Variants in SARDH observed in about 807,000 individuals in gnomAD.
SARDH encodes sarcosine dehydrogenase, mitochondrial.
SARDH carries 95 observed loss-of-function variants against 109.1 expected under a neutral mutation model. The ratio of observed to expected loss-of-function variants is 0.87; its 90% confidence interval spans 0.74 to 1.03. The LOEUF is 1.03. Among genes scored for constraint, SARDH ranks in the 50% least tolerant of loss-of-function variants. The probability of loss-of-function intolerance (pLI) is 0.00; values close to 1 mark genes in which losing one functional copy is unlikely to be tolerated. For missense variants in SARDH, 1,267 were observed against 1,287.8 expected (o/e 0.98, Z 0.25); for synonymous variants, 572 against 534.8 (o/e 1.07, Z -0.96).
intron 8 of SARDH, among the ~76,000 whole-genome samples, chr9:133,716,128 C>A (rs1832113565): frequency 6.6e-6 from 1 of 152,216 alleles, no homozygotes; most frequent in African/African-American, 2.4e-5. Flanking sequence ...CAGGGCCGGG[C>A]TAGGCTGCCC....
In SARDH at chr9:133,718,414, C is replaced by T; in HGVS notation, c.1020+524G>A. 3 of 447,278 alleles carry T rather than the reference C, an allele frequency of 6.7e-6. No homozygotes were observed. Among genetic ancestry groups the T allele is most frequent in the Admixed American group, 3.8e-5 (1 of 26,344 alleles). The allele number at this position is 447,278 out of a possible 1,614,324, so 27.7% of individuals were successfully genotyped here. A position where few individuals can be genotyped will look rare whatever the true frequency, so the allele number is the denominator to read the frequency against. On this transcript the variant is annotated intron_variant, in intron 7 of 20. Coordinates refer to ENST00000439388, the MANE Select transcript of SARDH (RefSeq NM_001134707.2). The surrounding 1 kb of genome is among the most constrained non-coding windows in gnomAD (Gnocchi z 4.2). ...ATGTCTCTCCACCAAAATATAGGCA[C>T]CCAGAGTCAGGGACTTTTATCTTAG...
At chr9:133,719,743 G>A (rs957455544) in intron 6 of SARDH, among the ~76,000 whole-genome samples, 10 of 150,918 alleles carry the variant, frequency 6.6e-5, no homozygotes, top group Admixed American at 2.7e-4. Flanking sequence ...AAGGCTTGCC[G>A]CCCACCCTTC....
chr9:133,715,230 G>A (rs1041875374), intron 8 of SARDH, among the ~76,000 whole-genome samples: 3 of 152,176 alleles, frequency 2.0e-5, no homozygotes, highest in African/African-American at 4.8e-5. Flanking sequence ...CCATCCAGCC[G>A]ACAGACCAGA....
chr9:133,668,208 A>C (rs1362675992), intron 19 of SARDH, among the ~76,000 whole-genome samples: 1 of 151,474 alleles, frequency 6.6e-6, no homozygotes, highest in East Asian at 2.0e-4. Flanking sequence ...GCTGTCACAC[A>C]AGAGACAGAG....
At chr9:133,737,582 G>A (rs1294257762) in intron 1 of SARDH, among the ~76,000 whole-genome samples, 1 of 152,134 alleles carries the variant, frequency 6.6e-6, no homozygotes, top group African/African-American at 2.4e-5. Context: ...GTGCCGCATG[G>A]CACAGCACAC....
intron 17 of SARDH, among the ~76,000 whole-genome samples, chr9:133,682,824 T>G (rs1385266044): frequency 1.4e-5 from 2 of 138,996 alleles, no homozygotes; most frequent in Non-Finnish European, 3.1e-5. Flanking sequence ...ACTCAGCCCC[T>G]GTGCTGAAAC....
chr9:133,717,766 G>T (rs1484242531), intron 7 of SARDH, among the ~76,000 whole-genome samples: 1 of 152,130 alleles, frequency 6.6e-6, no homozygotes, highest in Non-Finnish European at 1.5e-5. Flanking sequence ...GCCCTGTATG[G>T]CATGTGCCAG....
chr9:133,683,612 A>G (rs574694030), intron 17 of SARDH, among the ~76,000 whole-genome samples: 9 of 152,226 alleles, frequency 5.9e-5, no homozygotes, highest in African/African-American at 2.2e-4. Flanking sequence ...AGCAAGCTAG[A>G]CACAGCCGGC....
chr9:133,660,173 C>A (rs1832394993), downstream of SARDH, among the ~76,000 whole-genome samples: 1 of 151,938 alleles, frequency 6.6e-6, no homozygotes, highest in Non-Finnish European at 1.5e-5. Flanking sequence ...ACCTCCTACA[C>A]CCAGATAAGC....
Position 133,683,970 on chromosome 9 carries a change from G to A in SARDH, c.2163+1223C>T, listed in dbSNP as rs1233860081. ...CTTTCTGGGTTTCTTTAGCCGGGCG[G>A]CCCTGAGCAGCCTGGCCCATCCAGC... On this transcript the variant is annotated intron_variant, in intron 17 of 20. Transcript: ENST00000439388. Among the ~76,000 whole-genome samples, 4 of 152,216 alleles carry A rather than the reference G, an allele frequency of 2.6e-5. No homozygotes were observed. The East Asian group carries it at 7.7e-4, about 29-fold the overall frequency.
Position 133,667,089 on chromosome 9 carries a change from A to G in SARDH, c.2496-219T>C, listed in dbSNP as rs1324319315. 6 of 610,588 alleles carry G rather than the reference A, an allele frequency of 9.8e-6. No homozygotes were observed. In the Admixed American group the frequency reaches 1.2e-4, roughly 12 times the overall value. The allele number at this position is 610,588 out of a possible 1,614,324, so 37.8% of individuals were successfully genotyped here. On this transcript the variant is annotated intron_variant, in intron 19 of 20. Transcript: ENST00000439388. Reference sequence around the variant, plus strand: ...CTTCGAGTGAGTAAAAGGGATGAATAGAAAACATCAAAACCAGGAGTGGAC... The same window carrying G: ...CTTCGAGTGAGTAAAAGGGATGAATGGAAAACATCAAAACCAGGAGTGGAC...
intron 11 of SARDH, 114 bp from the exon 12 acceptor site, chr9:133,705,145 G>C: frequency 1.9e-6 from 2 of 1,043,252 alleles, no homozygotes; most frequent in South Asian, 2.9e-5. Context: ...AGGAGGCCCT[G>C]ACTCTTGGAA....
chr9:133,702,826 C>G, intron 13 of SARDH, 90 bp downstream of exon 13: 1 of 1,140,970 alleles, frequency 8.8e-7, no homozygotes, highest in South Asian at 1.3e-5. Flanking sequence ...GGGAGGGGAG[C>G]CCCTGCAGGG....
At chr9:133,669,848 G>A (rs9409842) in intron 19 of SARDH, among the ~76,000 whole-genome samples, 35,841 of 152,210 alleles carry the variant, frequency 0.24, 4,859 homozygotes, top group African/African-American at 0.37. Context: ...GCAGTGACTG[G>A]GAGGTCAGGC....
chr9:133,679,534 G>A lies in SARDH; in HGVS notation c.2163+5659C>T, dbSNP rs748243676. Among the ~76,000 whole-genome samples, 90 of 152,200 alleles carry A rather than the reference G, an allele frequency of 5.9e-4. 1 individual carries two copies. Among genetic ancestry groups the A allele is most frequent in the Admixed American group, 4.4e-3 (68 of 15,284 alleles). ...CTGCTTCGCGGCGGGGCCCGTCCTC[G>A]GCAGGGGCCCTGGGAACACCGTGTC... On this transcript the variant is annotated intron_variant, in intron 17 of 20. Transcript: ENST00000439388.
Position 133,692,555 on chromosome 9 carries a change from TC to T in SARDH, c.1921+1702del, listed in dbSNP as rs1261293120. On this transcript the variant is annotated intron_variant, in intron 15 of 20. Transcript: ENST00000439388. The surrounding 1 kb of genome is among the most constrained non-coding windows in gnomAD (Gnocchi z 5.0). ...CCTCTCCTCCAGGAAGCCTTGCTCATCCCGGCTCGGCGGCTTCACATGGCCT... is the reference window on the plus strand; with the variant it reads ...CCTCTCCTCCAGGAAGCCTTGCTCATCCGGCTCGGCGGCTTCACATGGCCT... Among the ~76,000 whole-genome samples the T allele has an allele frequency of 1.3e-5, 2 of 152,144 alleles. No individual in the cohort carries two copies. Among genetic ancestry groups the T allele is most frequent in the Non-Finnish European group, 2.9e-5 (2 of 68,016 alleles).
At chr9:133,679,954 G>A (rs191859195) in intron 17 of SARDH, among the ~76,000 whole-genome samples, 203 of 152,320 alleles carry the variant, frequency 1.3e-3, no homozygotes, top group Non-Finnish European at 2.1e-3. Context: ...GCAGGCACAC[G>A]CATTCCTCGC....
intron 1 of SARDH, among the ~76,000 whole-genome samples, chr9:133,736,666 G>C (rs1832896332): frequency 6.6e-6 from 1 of 152,220 alleles, no homozygotes; most frequent in African/African-American, 2.4e-5. Flanking sequence ...AAAGTGCTGG[G>C]ATTACAGGCA....
At chr9:133,717,518 A>C (rs1014072193) in intron 7 of SARDH, 63 bp from the exon 8 acceptor site, 4 of 1,598,700 alleles carry the variant, frequency 2.5e-6, no homozygotes, top group Non-Finnish European at 3.4e-6. Context: ...TCCCCATGCC[A>C]AACCTGCCTT....
Sources: gnomAD v4.1 joint callset for allele counts (sites outside exome capture counted in the v4.1 genomes callset) on GRCh38, gnomAD v4.1.1 for gene constraint, Gnocchi (gnomAD v3.1) non-coding constraint, MANE v1.5 for transcripts, NCBI Gene and HGNC (gene_info 2026-07-23, HGNC 2026-07-21) for gene names.